Variants in ASTN2 observed in about 807,000 individuals in gnomAD.
ASTN2 encodes the protein astrotactin 2.
ASTN2 carries 54 observed loss-of-function variants against 139.8 expected under a neutral mutation model. The observed-to-expected ratio is 0.39, with a 90% confidence interval of 0.31 to 0.48. The LOEUF (loss-of-function observed/expected upper bound fraction) is 0.48. Among genes scored for constraint, ASTN2 ranks in the 20% least tolerant of loss-of-function variants. The pLI is 0.95. For missense variants in ASTN2, 1,565 were observed against 1,725.1 expected, an observed-to-expected ratio of 0.91 and a Z score of 1.64; for synonymous variants, 756 against 719.5, an observed-to-expected ratio of 1.05 and a Z score of -0.81.
At chr9:116,532,148 G>C (rs989461911) in intron 19 of ASTN2, among the ~76,000 whole-genome samples, 3 of 152,154 alleles carry the variant, frequency 2.0e-5, no homozygotes, top group Non-Finnish European at 2.9e-5. Context: ...GTGTCTTTTG[G>C]CTGCATAAAT....
chr9:116,855,589 T>G (rs1832719198), intron 11 of ASTN2, among the ~76,000 whole-genome samples: 1 of 152,210 alleles, frequency 6.6e-6, no homozygotes, highest in Non-Finnish European at 1.5e-5. Flanking sequence ...GAGAAGAAAG[T>G]GCCCCTCTCT....
chr9:116,954,278 A>G (rs1358751270), intron 10 of ASTN2, among the ~76,000 whole-genome samples: 3 of 152,218 alleles, frequency 2.0e-5, no homozygotes, highest in Non-Finnish European at 2.9e-5. Flanking sequence ...CCTCGAAGTC[A>G]AAGTTCTCAG....
intron 10 of ASTN2, among the ~76,000 whole-genome samples, chr9:116,905,477 A>G (rs1834129522): frequency 6.6e-6 from 1 of 152,174 alleles, no homozygotes; most frequent in South Asian, 2.1e-4. Context: ...TCGTTAGTAT[A>G]GAAGGGAGTA....
chr9:117,105,238 T>G (rs1174055484), intron 4 of ASTN2, among the ~76,000 whole-genome samples: 1 of 152,158 alleles, frequency 6.6e-6, no homozygotes, highest in African/African-American at 2.4e-5. Context: ...TTTCTAGAGA[T>G]AGAACCTGAA....
At chr9:117,251,810 TG>T (rs1194339804) in intron 2 of ASTN2, among the ~76,000 whole-genome samples, 2 of 152,006 alleles carry the variant, frequency 1.3e-5, no homozygotes, top group African/African-American at 4.8e-5. Flanking sequence ...AAGATGATAG[TG>T]TAAGATTGTC....
intron 3 of ASTN2, 32 bp downstream of exon 3, chr9:117,214,326 C>A (rs902982926): frequency 6.5e-7 from 1 of 1,534,214 alleles, no homozygotes; most frequent in African/African-American, 1.4e-5. Flanking sequence ...AAAATGCCCC[C>A]TGGAAAATGG....
chr9:116,470,082 T>A (rs191708867), intron 20 of ASTN2, among the ~76,000 whole-genome samples: 3 of 152,060 alleles, frequency 2.0e-5, no homozygotes, highest in Non-Finnish European at 4.4e-5. Context: ...TGGGCACCTG[T>A]AATCCCAGCT....
At chr9:116,932,030 G>A (rs1204492501) in intron 10 of ASTN2, among the ~76,000 whole-genome samples, 1 of 152,112 alleles carries the variant, frequency 6.6e-6, no homozygotes, top group Non-Finnish European at 1.5e-5. Flanking sequence ...GTGGTAGGGG[G>A]AAGGGGTAGT....
At chr9:116,975,148 CA>C (rs1413806624) in intron 10 of ASTN2, 59 bp downstream of exon 10, 2 of 1,474,928 alleles carry the variant, frequency 1.4e-6, no homozygotes, top group African/African-American at 1.4e-5. Flanking sequence ...GGTTCTCCAA[CA>C]GGGGGACTTC....
chr9:116,464,671 A>G (rs1487027422), intron 20 of ASTN2, among the ~76,000 whole-genome samples: 1 of 152,164 alleles, frequency 6.6e-6, no homozygotes, highest in African/African-American at 2.4e-5. Flanking sequence ...CTGCATGACT[A>G]ACATATTGAG....
intron 11 of ASTN2, among the ~76,000 whole-genome samples, chr9:116,862,465 T>C (rs1832907991): frequency 6.6e-6 from 1 of 152,090 alleles, no homozygotes; most frequent in South Asian, 2.1e-4. Flanking sequence ...AGATACTGTA[T>C]GGAAAAGAGG....
rs190397559 is a variant in ASTN2, at chr9:116,447,706, G to T, written c.3498-5153C>A. ...AACTCACCATGAAGGGTTCTTGTTA[G>T]AATAAAAGAGAGTGCAGCATGAAAG... On this transcript the variant is annotated intron_variant, in intron 20 of 22. Transcript: ENST00000313400. Among the ~76,000 whole-genome samples, 3 of 152,300 alleles carry T rather than the reference G, an allele frequency of 2.0e-5. No individual in the cohort carries two copies. In the East Asian group the frequency reaches 5.8e-4, roughly 29 times the overall value.
chr9:116,434,365 T>C (rs1437907055), intron 22 of ASTN2, among the ~76,000 whole-genome samples: 1 of 152,158 alleles, frequency 6.6e-6, no homozygotes, highest in Non-Finnish European at 1.5e-5. Context: ...ATTCAATATA[T>C]CCAAAGAAGC....
At chr9:116,553,623 C>A (rs983570212) in intron 19 of ASTN2, among the ~76,000 whole-genome samples, 3 of 152,100 alleles carry the variant, frequency 2.0e-5, no homozygotes, top group Non-Finnish European at 4.4e-5. Flanking sequence ...AGACTTGAGC[C>A]CAAGTCGAAC....
chr9:116,629,090 G>A (rs1856602221), intron 17 of ASTN2, among the ~76,000 whole-genome samples: 1 of 149,690 alleles, frequency 6.7e-6, no homozygotes, highest in African/African-American at 2.5e-5. Flanking sequence ...GGAGGCAGCA[G>A]CTTTTACTGT....
chr9:117,294,949 T>C (rs1464690907), intron 1 of ASTN2, among the ~76,000 whole-genome samples: 1 of 152,250 alleles, frequency 6.6e-6, no homozygotes, highest in Non-Finnish European at 1.5e-5. Flanking sequence ...CTGTCCACTC[T>C]AGCTGAAGTG....
At chr9:116,644,245 G>A (rs1215244607) in intron 17 of ASTN2, among the ~76,000 whole-genome samples, 2 of 152,112 alleles carry the variant, frequency 1.3e-5, no homozygotes, top group African/African-American at 4.8e-5. Flanking sequence ...AAACAAACAA[G>A]CTTTTCTGGC....
intron 3 of ASTN2, among the ~76,000 whole-genome samples, chr9:117,182,212 G>A (rs1357790548): frequency 1.3e-5 from 2 of 148,220 alleles, no homozygotes; most frequent in East Asian, 2.0e-4. Flanking sequence ...GGAGAGAAAT[G>A]ATTTTGTACT....
chr9:116,944,067 T>C (rs1835310103), intron 10 of ASTN2, among the ~76,000 whole-genome samples: 1 of 152,116 alleles, frequency 6.6e-6, no homozygotes, highest in African/African-American at 2.4e-5. Flanking sequence ...TCGGTGCTTT[T>C]ATAAATATGA....
Sources: allele counts gnomAD v4.1 joint callset (sites outside exome capture counted in the v4.1 genomes callset), GRCh38; gene constraint gnomAD v4.1.1; transcripts MANE v1.5; gene names NCBI Gene and HGNC (gene_info 2026-07-23, HGNC 2026-07-21).